NYAP2: variants seen among roughly 807,000 people sequenced by gnomAD.
NYAP2 encodes the protein neuronal tyrosine-phosphorylated phosphoinositide-3-kinase adaptor 2.
NYAP2 carries 23 observed loss-of-function variants against 50.4 expected under a neutral mutation model. That is an observed-to-expected ratio of 0.46 (90% confidence interval 0.33 to 0.65). The LOEUF is 0.65. Ranked by LOEUF, NYAP2 falls within the 30% of genes least tolerant of loss-of-function variation. The pLI is 0.02. For synonymous variants in NYAP2, 394 were observed against 365.2 expected (o/e 1.08, Z -0.90); for missense variants, 885 against 861.0 (o/e 1.03, Z -0.35).
At chr2:225,614,227 C>A (rs899271305) in intron 5 of NYAP2, among the ~76,000 whole-genome samples, 31 of 151,872 alleles carry the variant, frequency 2.0e-4, no homozygotes, top group African/African-American at 7.0e-4. Context: ...CTTATTTGTT[C>A]CTAAGTATAG....
At chr2:225,613,499 A>G (rs1692934964) in intron 5 of NYAP2, among the ~76,000 whole-genome samples, 1 of 152,166 alleles carries the variant, frequency 6.6e-6, no homozygotes, top group Admixed American at 6.5e-5. Context: ...ACAATACTTT[A>G]TGAGCTATCC....
chr2:225,403,828 G>C (rs1208565404), intron 2 of NYAP2, among the ~76,000 whole-genome samples: 1 of 151,910 alleles, frequency 6.6e-6, no homozygotes, highest in Non-Finnish European at 1.5e-5. Context: ...TTGCCCATTG[G>C]AAGCCTCTGC....
the NYAP2 span, among the ~76,000 whole-genome samples, chr2:225,661,982 C>A: frequency 6.6e-6 from 1 of 152,186 alleles, no homozygotes. Flanking sequence ...CCTCGGCCTC[C>A]CAAAGTGCTG....
At chr2:225,510,832 A>G (rs190126087) in intron 3 of NYAP2, among the ~76,000 whole-genome samples, 24 of 152,140 alleles carry the variant, frequency 1.6e-4, no homozygotes, top group Non-Finnish European at 3.1e-4. Flanking sequence ...ACCAAAGCAG[A>G]TAGAGTTAGA....
the NYAP2 span, among the ~76,000 whole-genome samples, chr2:225,677,619 A>G: frequency 6.6e-6 from 1 of 152,082 alleles, no homozygotes; most frequent in Admixed American, 6.6e-5. Flanking sequence ...TTTTTTTATC[A>G]TGAAGGGATA....
the NYAP2 span, among the ~76,000 whole-genome samples, chr2:225,682,106 GA>G: frequency 6.6e-6 from 1 of 152,144 alleles, no homozygotes; most frequent in African/African-American, 2.4e-5. Context: ...TCTTGAGCTT[GA>G]ACATGCCTTC....
At chr2:225,539,247 A>G (rs1006899599) in intron 4 of NYAP2, among the ~76,000 whole-genome samples, 12 of 152,182 alleles carry the variant, frequency 7.9e-5, no homozygotes, top group Non-Finnish European at 1.6e-4. Flanking sequence ...TCTATCATTG[A>G]TGGGCATTTG....
rs192272383 is a variant in NYAP2 at position 225,579,433 on chromosome 2, A to G, written c.524-2508A>G. Among the ~76,000 whole-genome samples, 7 of 152,322 alleles carry G rather than the reference A, an allele frequency of 4.6e-5. No individual in the cohort carries two copies. The East Asian group carries it at 1.4e-3, about 29-fold the overall frequency. On this transcript the variant is annotated intron_variant, in intron 4 of 6. Transcript: ENST00000636099. ...TTGTCCAGATTCCTTCTCAATTAGCAGTTGTTCTACTTAATTCTAAGTATG... is the reference window on the plus strand; with the variant it reads ...TTGTCCAGATTCCTTCTCAATTAGCGGTTGTTCTACTTAATTCTAAGTATG...
intron 3 of NYAP2, among the ~76,000 whole-genome samples, chr2:225,419,688 T>C (rs571714708): frequency 1.5e-3 from 225 of 152,346 alleles, no homozygotes; most frequent in Non-Finnish European, 2.9e-3. Context: ...TGGTAGCTGC[T>C]ATTATTGTAT....
chr2:225,507,081 G>C (rs1483706813), intron 3 of NYAP2, among the ~76,000 whole-genome samples: 1 of 152,128 alleles, frequency 6.6e-6, no homozygotes, highest in Non-Finnish European at 1.5e-5. Flanking sequence ...CCTTCAGTTT[G>C]TATCTCAAAT....
intron 3 of NYAP2, among the ~76,000 whole-genome samples, chr2:225,477,035 G>GA (rs1044392105): frequency 2.6e-5 from 4 of 151,672 alleles, no homozygotes; most frequent in African/African-American, 4.8e-5. Flanking sequence ...AAGGGAATAT[G>GA]AAAAAAAATT....
chr2:225,697,315 T>A, the NYAP2 span, among the ~76,000 whole-genome samples: 1 of 152,006 alleles, frequency 6.6e-6, no homozygotes, highest in African/African-American at 2.4e-5. Flanking sequence ...CATGAATCCA[T>A]TTTTCTAAAT....
Position 225,538,752 on chromosome 2 carries a change from A to ATTTTCTTTTCTTTTCTTTTC in NYAP2, c.523+25094_523+25113dup, listed in dbSNP as rs143281315. 1.3e-3 allele frequency among the ~76,000 whole-genome samples: 159 copies of ATTTTCTTTTCTTTTCTTTTC among 124,104 alleles called. 6 individuals are homozygous for ATTTTCTTTTCTTTTCTTTTC. The highest frequency in any genetic ancestry group is 2.9e-3 in the South Asian group (10 of 3,446). The allele number at this position is 124,104 out of a possible 152,430, so 81.4% of individuals were successfully genotyped here. A position where few individuals can be genotyped will look rare whatever the true frequency, so the allele number is the denominator to read the frequency against. On this transcript the variant is annotated intron_variant, in intron 4 of 6. Transcript: ENST00000636099. ...CTTGAATTTCTCCTCAGAAAATGAG[A>ATTTTCTTTTCTTTTCTTTTC]TTTTCTTTTCTTTTCTTTTCTTTTC...
At position 225,494,167 on chromosome 2, in the gene NYAP2, T is replaced by A. The variant is rs564840608; in HGVS notation, c.222-19204T>A. 4.6e-5 allele frequency among the ~76,000 whole-genome samples: 7 copies of A among 152,346 alleles called. No individual in the cohort carries two copies. In the East Asian group the frequency reaches 1.3e-3, roughly 29 times the overall value. ...CTTAAGAAGAAAAATATTTTATAAA[T>A]CCAAGTTGATGGGAACACTGCCAGT... On this transcript the variant is annotated intron_variant, in intron 3 of 6. Coordinates refer to ENST00000636099, the Ensembl canonical transcript of NYAP2.
intron 6 of NYAP2, among the ~76,000 whole-genome samples, chr2:225,635,369 T>C (rs987605566): frequency 6.6e-6 from 1 of 152,200 alleles, no homozygotes; most frequent in Non-Finnish European, 1.5e-5. Context: ...GTGACCCACT[T>C]TCTCTATCTT....
At chr2:225,579,094 GGAGAGAGAGA>G (rs34026452) in intron 4 of NYAP2, among the ~76,000 whole-genome samples, 11 of 147,332 alleles carry the variant, frequency 7.5e-5, no homozygotes, top group Non-Finnish European at 1.5e-4. Context: ...AGAAGAGAGG[GGAGAGAGAGA>G]GAGAGAGAGA....
At chr2:225,430,425 C>G (rs1695348991) in intron 3 of NYAP2, among the ~76,000 whole-genome samples, 1 of 152,112 alleles carries the variant, frequency 6.6e-6, no homozygotes, top group South Asian at 2.1e-4. Flanking sequence ...ATTTTAATAG[C>G]ATCAAAGTTA....
intron 5 of NYAP2, among the ~76,000 whole-genome samples, chr2:225,598,904 A>G (rs906210039): frequency 6.6e-6 from 1 of 152,192 alleles, no homozygotes; most frequent in African/African-American, 2.4e-5. Context: ...TCTCCAGTTA[A>G]AAACAGCCCT....
chr2:225,599,625 C>T (rs1402391204), intron 5 of NYAP2, among the ~76,000 whole-genome samples: 4 of 152,170 alleles, frequency 2.6e-5, no homozygotes, highest in Non-Finnish European at 5.9e-5. Context: ...GAGACTTTTT[C>T]CCTGTCAAAT....
Sources: allele counts gnomAD v4.1 joint callset (sites outside exome capture counted in the v4.1 genomes callset), GRCh38; gene constraint gnomAD v4.1.1; transcripts MANE v1.5; gene names NCBI Gene and HGNC (gene_info 2026-07-23, HGNC 2026-07-21).